Variants in STRIP2 observed in about 807,000 individuals in gnomAD.
The protein encoded by STRIP2 is striatin-interacting protein 2.
STRIP2 carries 84 observed loss-of-function variants against 107.1 expected under a neutral mutation model. The ratio of observed to expected loss-of-function variants is 0.78; its 90% confidence interval spans 0.66 to 0.94. STRIP2 has a LOEUF of 0.94. STRIP2 is among the 40% of genes least tolerant of loss of function. The pLI, the probability that STRIP2 is intolerant of heterozygous loss-of-function variation, is 0.00. For missense variants in STRIP2, 888 were observed against 1,034.2 expected, an observed-to-expected ratio of 0.86 and a Z score of 1.94; for synonymous variants, 394 against 400.4, an observed-to-expected ratio of 0.98 and a Z score of 0.19.
rs1798356014 is a variant in STRIP2 at position 129,456,455 on chromosome 7, T to G, written c.851T>G (p.Phe284Cys). The G allele has an allele frequency of 1.2e-6, 2 of 1,614,052 alleles. No individual in the cohort carries two copies. Among genetic ancestry groups the G allele is most frequent in the Non-Finnish European group, 8.5e-7 (1 of 1,179,978 alleles). The change falls in exon 9 of 21, where the codon TTT (phenylalanine) becomes TGT (cysteine). Residue 284 changes from phenylalanine to cysteine, a missense_variant. Phe to Cys is a radical substitution (Grantham distance 205). Transcript: ENST00000249344. Reference protein sequence around the residue: ...WKVVMFTLGGFEHLQTLKVQK... With the variant: ...WKVVMFTLGGCEHLQTLKVQK... ...CTTCCTTAGTTTACCCTCGGTGGAT[T>G]TGAGCATCTGCAGACTCTCAAAGTA...
intron 14 of STRIP2, among the ~76,000 whole-genome samples, chr7:129,463,468 TC>T (rs1159838896): frequency 6.6e-6 from 1 of 152,094 alleles, no homozygotes; most frequent in Non-Finnish European, 1.5e-5. Context: ...CCCACTCTGT[TC>T]CTTCCATCTT....
At position 129,443,443 on chromosome 7, in the gene STRIP2, C is replaced by T. The variant is rs75589786; in HGVS notation, c.200-581C>T. Reference sequence around the variant, plus strand: ...CTGGGCACAGCAGCCCTTTGACAACCATAGCTGTTCTCTAGAGTTTTTTTT... The same window carrying T: ...CTGGGCACAGCAGCCCTTTGACAACTATAGCTGTTCTCTAGAGTTTTTTTT... On this transcript the variant is annotated intron_variant, in intron 2 of 20. Coordinates refer to ENST00000249344, the MANE Select transcript of STRIP2 (RefSeq NM_020704.3). Among the ~76,000 whole-genome samples, 44 of 152,316 alleles carry T rather than the reference C, an allele frequency of 2.9e-4. 1 individual carries two copies. In the East Asian group the frequency reaches 8.1e-3, roughly 28 times the overall value.
At chr7:129,482,021 G>A (rs867649506) in intron 19 of STRIP2, among the ~76,000 whole-genome samples, 15 of 151,998 alleles carry the variant, frequency 9.9e-5, no homozygotes, top group African/African-American at 3.4e-4. Context: ...TTAGCTGGGT[G>A]TGGTGGCGGG....
Position 129,459,595 on chromosome 7 carries a change from C to A in STRIP2, c.1404+15C>A. The A allele has an allele frequency of 8.7e-6, 14 of 1,609,924 alleles. No homozygotes were observed. The highest frequency in any genetic ancestry group is 1.2e-5 in the Non-Finnish European group (14 of 1,176,260). ...CCCTAAAGCAGGTGACTGGGGTGGGCTCTCAGTCTTCAGGGATAGGGAGCC... is the reference window on the plus strand; with the variant it reads ...CCCTAAAGCAGGTGACTGGGGTGGGATCTCAGTCTTCAGGGATAGGGAGCC... On this transcript the variant is annotated intron_variant, in intron 12 of 20. Transcript: ENST00000249344.
intron 3 of STRIP2, 36 bp downstream of exon 3, chr7:129,444,134 T>C: frequency 2.6e-6 from 4 of 1,517,546 alleles, no homozygotes; most frequent in Non-Finnish European, 3.6e-6. Flanking sequence ...GACCTGCTTT[T>C]TCCTTTTATG....
At chr7:129,438,613 C>T (rs997929328) in intron 1 of STRIP2, among the ~76,000 whole-genome samples, 1 of 152,124 alleles carries the variant, frequency 6.6e-6, no homozygotes, top group Non-Finnish European at 1.5e-5. Context: ...CAGTTCAATT[C>T]GATTCTGACA....
chr7:129,465,150 CT>C (rs1798641629), intron 16 of STRIP2, among the ~76,000 whole-genome samples: 1 of 152,136 alleles, frequency 6.6e-6, no homozygotes, highest in Non-Finnish European at 1.5e-5. Flanking sequence ...ACAGTTCTGG[CT>C]CTTCAGGGCC....
intron 18 of STRIP2, among the ~76,000 whole-genome samples, chr7:129,475,870 C>T (rs925500852): frequency 9.2e-5 from 14 of 152,122 alleles, no homozygotes; most frequent in African/African-American, 2.9e-4. Context: ...TCAGAGAGCA[C>T]CGGGTTGGGG....
intron 19 of STRIP2, among the ~76,000 whole-genome samples, chr7:129,482,380 T>A (rs866243353): frequency 0.017 from 1,856 of 109,780 alleles, 5 homozygotes; most frequent in Non-Finnish European, 0.027. Context: ...TATATATATT[T>A]TTTTTTTTTT....
At chr7:129,456,758 G>A (rs1584949350) in intron 9 of STRIP2, 116 bp downstream of exon 9, 2 of 1,033,456 alleles carry the variant, frequency 1.9e-6, no homozygotes, top group East Asian at 2.6e-5. Context: ...TCCTGCCCAG[G>A]TTGGCCCTAT....
At chr7:129,463,754 A>G (rs983782648) in intron 14 of STRIP2, among the ~76,000 whole-genome samples, 1 of 152,154 alleles carries the variant, frequency 6.6e-6, no homozygotes, top group African/African-American at 2.4e-5. Flanking sequence ...CTCGGCCTCC[A>G]AAAGTGCTGG....
In STRIP2 at chr7:129,470,693, C is replaced by A; in HGVS notation, c.1922C>A (p.Pro641Gln). Residue 641 changes from proline to glutamine, a missense_variant, in exon 18 of 21, where the codon CCG (proline) becomes CAG (glutamine). By Grantham distance (76) the Pro-to-Gln change is moderately conservative. Transcript: ENST00000249344. Reference sequence around the variant, plus strand: ...CCTTGCTGTACCATCCAGGATTTGCCGGAGCTTACTACTGAAAGTCTGGTA... The same window carrying A: ...CCTTGCTGTACCATCCAGGATTTGCAGGAGCTTACTACTGAAAGTCTGGTA... ...DYPCCTIQDL[P>Q]ELTTESLEAG... is the part of the protein sequence containing the mutation. The A allele has an allele frequency of 3.1e-6, 5 of 1,613,954 alleles. No homozygotes were observed. The highest frequency in any genetic ancestry group is 4.2e-6 in the Non-Finnish European group (5 of 1,179,858).
At chr7:129,446,185 G>T (rs1798029081) in intron 3 of STRIP2, among the ~76,000 whole-genome samples, 2 of 152,200 alleles carry the variant, frequency 1.3e-5, no homozygotes, top group African/African-American at 4.8e-5. Context: ...TGACAGAGGT[G>T]CTGGGGAAAG....
Position 129,455,329 on chromosome 7 carries a change from C to T in STRIP2, c.792C>T (p.Phe264=), listed in dbSNP as rs1237838486. ...TCTGCAGTGGCCTGGCTCCTCACTTCCCCATAAAGAAGGTCCTGCTCCTGC... is the reference window on the plus strand; with the variant it reads ...TCTGCAGTGGCCTGGCTCCTCACTTTCCCATAAAGAAGGTCCTGCTCCTGC... ...TKFCSGLAPH[F]PIKKVLLLLW... The change falls in exon 8 of 21, where the codon TTC becomes TTT. Residue 264 remains phenylalanine, a synonymous_variant. Transcript: ENST00000249344. 6.2e-7 allele frequency: 1 copy of T among 1,613,926 alleles called. No individual in the cohort carries two copies. Among genetic ancestry groups the T allele is most frequent in the Non-Finnish European group, 8.5e-7 (1 of 1,179,908 alleles).
At chr7:129,445,861 G>T (rs946455094) in intron 3 of STRIP2, among the ~76,000 whole-genome samples, 7 of 152,128 alleles carry the variant, frequency 4.6e-5, no homozygotes, top group African/African-American at 1.4e-4. Context: ...TGGTAGTCTT[G>T]GCAGAAGCAT....
chr7:129,445,727 A>T (rs1290735590), intron 3 of STRIP2, among the ~76,000 whole-genome samples: 1 of 152,214 alleles, frequency 6.6e-6, no homozygotes, highest in Non-Finnish European at 1.5e-5. Context: ...GATGGGGAAC[A>T]TGGTAAGACC....
chr7:129,480,662 G>C, intron 18 of STRIP2, 123 bp from the exon 19 acceptor site: 1 of 722,530 alleles, frequency 1.4e-6, no homozygotes, highest in East Asian at 2.7e-5. Flanking sequence ...GAAACAGGAA[G>C]GTGAGGAGGT....
intron 12 of STRIP2, among the ~76,000 whole-genome samples, chr7:129,460,061 T>A (rs1203568368): frequency 2.0e-5 from 3 of 152,224 alleles, no homozygotes; most frequent in Admixed American, 2.0e-4. Context: ...GCTTAGGTAT[T>A]TGCTGCTCTT....
At position 129,483,025 on chromosome 7, in the gene STRIP2, G is replaced by T. The variant is rs755407996; in HGVS notation, c.2233G>T (p.Asp745Tyr). The T allele has an allele frequency of 3.1e-5, 50 of 1,614,060 alleles. No individual in the cohort carries two copies. The highest frequency in any genetic ancestry group is 4.2e-5 in the Non-Finnish European group (49 of 1,180,046). Residue 745 changes from aspartate (D) to tyrosine (Y), a missense_variant, in exon 20 of 21, where the codon GAT becomes TAT. Asp to Tyr is a radical substitution (Grantham distance 160, BLOSUM62 -3). Transcript: ENST00000249344. The surrounding 1 kb of genome is among the most constrained non-coding windows in gnomAD (Gnocchi z 5.1). ...IYQKVRHRMN[D>Y]DWAYGNDIDA... The stretch of plus-strand genomic sequence containing the variant: ...CCAGAAAGTGCGTCACCGCATGAAC[G>T]ATGACTGGGCTTACGGGAATGGTGA...
Sources: allele counts gnomAD v4.1 joint callset (sites outside exome capture counted in the v4.1 genomes callset), GRCh38; gene constraint gnomAD v4.1.1; non-coding constraint Gnocchi (gnomAD v3.1); transcripts MANE v1.5; gene names NCBI Gene and HGNC (gene_info 2026-07-23, HGNC 2026-07-21).